Variants in RGS7BP observed in about 807,000 individuals in gnomAD.
RGS7BP encodes regulator of G protein signaling 7-binding protein.
RGS7BP carries 9 observed loss-of-function variants against 31.3 expected under a neutral mutation model. The observed-to-expected ratio is 0.29, with a 90% CI of 0.17 to 0.50. The LOEUF (loss-of-function observed/expected upper bound fraction) is 0.50. Ranked by LOEUF, RGS7BP falls within the 20% of genes least tolerant of loss-of-function variation. The pLI, the probability that RGS7BP is intolerant of heterozygous loss-of-function variation, is 0.98. For synonymous variants in RGS7BP, 115 were observed against 120.1 expected (o/e 0.96, Z 0.28); for missense variants, 274 against 322.0 (o/e 0.85, Z 1.14).
chr5:64,566,490 G>A (rs1210535288), intron 2 of RGS7BP, among the ~76,000 whole-genome samples: 1 of 151,932 alleles, frequency 6.6e-6, no homozygotes, highest in African/African-American at 2.4e-5. Context: ...TCATTAGGAG[G>A]TGGGATGAGA....
chr5:64,585,664 ATT>A (rs1742727756), intron 3 of RGS7BP, among the ~76,000 whole-genome samples: 1 of 152,110 alleles, frequency 6.6e-6, no homozygotes, highest in Non-Finnish European at 1.5e-5. Flanking sequence ...ATGACCGGCA[ATT>A]TCTCACGAAT....
intron 2 of RGS7BP, among the ~76,000 whole-genome samples, chr5:64,553,174 T>TC (rs1409744084): frequency 1.3e-3 from 196 of 145,240 alleles, no homozygotes; most frequent in Non-Finnish European, 2.3e-3. Flanking sequence ...TTTCTTTCTT[T>TC]TTTTTTTTTT....
At chr5:64,568,644 C>T (rs968357737) in intron 2 of RGS7BP, among the ~76,000 whole-genome samples, 1 of 152,028 alleles carries the variant, frequency 6.6e-6, no homozygotes, top group African/African-American at 2.4e-5. Context: ...CCAAATGTCA[C>T]CGCTTATTCC....
chr5:64,594,679 C>T, intron 3 of RGS7BP, 31 bp from the exon 4 acceptor site: 1 of 1,611,704 alleles, frequency 6.2e-7, no homozygotes, highest in Non-Finnish European at 8.5e-7. Context: ...TCTTTTTCCT[C>T]TTCTCTTTAC....
chr5:64,548,589 A>G (rs1199771792), intron 2 of RGS7BP, among the ~76,000 whole-genome samples: 1 of 152,020 alleles, frequency 6.6e-6, no homozygotes, highest in African/African-American at 2.4e-5. Context: ...GGCTCACTGC[A>G]ACCTCCGCCT....
Position 64,611,839 on chromosome 5 carries a change from T to G in RGS7BP, c.*2587T>G, listed in dbSNP as rs1051505946. Reference sequence around the variant, plus strand: ...ATGCATCCCTTAGGAGCTGCCCCACTCTCCTCTCACCTACCAAAGGATTTT... The same window carrying G: ...ATGCATCCCTTAGGAGCTGCCCCACGCTCCTCTCACCTACCAAAGGATTTT... On this transcript the variant is annotated 3_prime_UTR_variant, in exon 6 of 6. Transcript: ENST00000334025. 1.3e-5 allele frequency: 2 copies of G among 151,860 alleles called. No homozygotes were observed. Among genetic ancestry groups the G allele is most frequent in the Non-Finnish European group, 2.9e-5 (2 of 67,844 alleles). 9.4% of individuals were successfully genotyped at this position (151,860 alleles called of 1,614,324 possible).
chr5:64,523,017 T>C (rs1204965832), intron 2 of RGS7BP, among the ~76,000 whole-genome samples: 1 of 150,660 alleles, frequency 6.6e-6, no homozygotes, highest in East Asian at 2.0e-4. Context: ...AAAGAGAAAA[T>C]GGGGAAGGAG....
chr5:64,563,184 A>G (rs980338151), intron 2 of RGS7BP, among the ~76,000 whole-genome samples: 1 of 152,084 alleles, frequency 6.6e-6, no homozygotes. Flanking sequence ...TCAAAACCCT[A>G]GTGTATTATA....
chr5:64,584,125 C>T (rs1038149546), intron 3 of RGS7BP, among the ~76,000 whole-genome samples: 3 of 152,144 alleles, frequency 2.0e-5, no homozygotes, highest in South Asian at 2.1e-4. Flanking sequence ...TGGAGAAGGG[C>T]AGGAGGGCAT....
At chr5:64,569,342 A>T (rs998201598) in intron 2 of RGS7BP, among the ~76,000 whole-genome samples, 3 of 151,904 alleles carry the variant, frequency 2.0e-5, no homozygotes, top group African/African-American at 7.3e-5. Context: ...TTTCATAAAA[A>T]CTCACTGGAG....
chr5:64,539,371 T>G (rs1278471184), intron 2 of RGS7BP: 1 of 152,216 alleles, frequency 6.6e-6, no homozygotes, highest in Non-Finnish European at 1.5e-5. Flanking sequence ...TTTTAAAAAT[T>G]TTGATAAACT....
intron 4 of RGS7BP, among the ~76,000 whole-genome samples, chr5:64,596,008 T>A (rs1168841989): frequency 6.6e-6 from 1 of 152,022 alleles, no homozygotes; most frequent in African/African-American, 2.4e-5. Context: ...GATGAGGGAG[T>A]GATTTATCTT....
intron 2 of RGS7BP, among the ~76,000 whole-genome samples, chr5:64,567,366 A>G (rs1742196408): frequency 6.6e-6 from 1 of 152,180 alleles, no homozygotes; most frequent in Admixed American, 6.6e-5. Context: ...TTATTAAAAT[A>G]TTGATCAACA....
At chr5:64,578,756 T>G (rs1315825225) in intron 3 of RGS7BP, among the ~76,000 whole-genome samples, 2 of 152,204 alleles carry the variant, frequency 1.3e-5, no homozygotes, top group African/African-American at 4.8e-5. Context: ...GTGATCTGTG[T>G]GATGGCTCAT....
At chr5:64,599,510 G>A (rs962797794) in intron 5 of RGS7BP, among the ~76,000 whole-genome samples, 5 of 152,146 alleles carry the variant, frequency 3.3e-5, no homozygotes, top group African/African-American at 7.2e-5. Context: ...AGAGGCTGAG[G>A]AGTAGTGTGG....
intron 2 of RGS7BP, among the ~76,000 whole-genome samples, chr5:64,527,461 G>A (rs1749258174): frequency 6.6e-6 from 1 of 152,084 alleles, no homozygotes; most frequent in South Asian, 2.1e-4. Flanking sequence ...ATAATCAGAA[G>A]ACCCCACTTA....
chr5:64,516,052 G>T (rs1348829036), intron 2 of RGS7BP, among the ~76,000 whole-genome samples: 3 of 152,174 alleles, frequency 2.0e-5, no homozygotes, highest in South Asian at 2.1e-4. Flanking sequence ...AACACTCCCA[G>T]TTAAGCCTCC....
intron 2 of RGS7BP, among the ~76,000 whole-genome samples, chr5:64,535,436 T>G (rs1249926725): frequency 6.6e-6 from 1 of 152,158 alleles, no homozygotes; most frequent in African/African-American, 2.4e-5. Context: ...GAGGATTAGC[T>G]CTGCTCTCAC....
chr5:64,575,418 C>T (rs1332227419), intron 2 of RGS7BP, among the ~76,000 whole-genome samples: 1 of 152,120 alleles, frequency 6.6e-6, no homozygotes, highest in African/African-American at 2.4e-5. Flanking sequence ...TCTCTAAAAA[C>T]AAGGGTTTTT....
Sources: gnomAD v4.1 joint callset for allele counts (sites outside exome capture counted in the v4.1 genomes callset) on GRCh38, gnomAD v4.1.1 for gene constraint, MANE v1.5 for transcripts, NCBI Gene and HGNC (gene_info 2026-07-23, HGNC 2026-07-21) for gene names.